CIT: variants seen among roughly 807,000 people sequenced by gnomAD.
CIT encodes the protein citron rho-interacting serine/threonine kinase.
A neutral mutation model predicts 272.7 loss-of-function variants in CIT; 79 were observed. The ratio of observed to expected loss-of-function variants is 0.29; its 90% CI spans 0.24 to 0.35. The LOEUF (loss-of-function observed/expected upper bound fraction) is 0.35, where lower values mean the gene tolerates loss of function less well. CIT is among the 10% of genes least tolerant of loss of function. The pLI, the probability that CIT is intolerant of heterozygous loss-of-function variation, is 1.00. For missense variants in CIT, 1,909 were observed against 2,618.3 expected (o/e 0.73, Z 5.91); for synonymous variants, 948 against 995.6 (o/e 0.95, Z 0.90).
At chr12:119,753,704 T>G (rs1362557837) in intron 22 of CIT, among the ~76,000 whole-genome samples, 1 of 147,908 alleles carries the variant, frequency 6.8e-6, no homozygotes, top group Non-Finnish European at 1.5e-5. Flanking sequence ...GCCATTGTAC[T>G]CCAGCCTGGG....
intron 18 of CIT, among the ~76,000 whole-genome samples, chr12:119,769,106 A>G (rs1387180966): frequency 1.4e-5 from 2 of 147,608 alleles, no homozygotes; most frequent in East Asian, 3.9e-4. Context: ...TTCGGTCTTC[A>G]TAAGATAGCA....
At position 119,874,318 on chromosome 12, in the gene CIT, C is replaced by T. The variant is rs1422766017; in HGVS notation, c.96+1755G>A. ...AACCCGTGACCTCAAGTAATCCGCC[C>T]GCCTCAGCCTCCGAAAATACTGGCA... On this transcript the variant is annotated intron_variant, in intron 2 of 47. Transcript: ENST00000392521. Among the ~76,000 whole-genome samples the T allele has an allele frequency of 2.6e-5, 4 of 152,052 alleles. No individual in the cohort carries two copies. The East Asian group carries it at 5.8e-4, about 22-fold the overall frequency.
chr12:119,695,566 C>T (rs1030075117), intron 46 of CIT, among the ~76,000 whole-genome samples: 2 of 152,134 alleles, frequency 1.3e-5, no homozygotes, highest in African/African-American at 2.4e-5. Flanking sequence ...GAGGCCAAGG[C>T]GGGCAGATCA....
intron 24 of CIT, among the ~76,000 whole-genome samples, chr12:119,738,251 T>C (rs1732416590): frequency 6.6e-6 from 1 of 152,170 alleles, no homozygotes; most frequent in South Asian, 2.1e-4. Flanking sequence ...TTCAGATCTT[T>C]GAAAACTGAA....
intron 24 of CIT, among the ~76,000 whole-genome samples, chr12:119,737,831 T>A (rs1565965413): frequency 6.6e-6 from 1 of 152,204 alleles, no homozygotes; most frequent in Non-Finnish European, 1.5e-5. Flanking sequence ...ACATATTCTA[T>A]CTACCCAAGC....
At chr12:119,757,611 G>C (rs559519298) in intron 21 of CIT, 66 bp from the exon 22 acceptor site, 2 of 1,592,350 alleles carry the variant, frequency 1.3e-6, no homozygotes, top group Middle Eastern at 1.7e-4. Context: ...CCGTTTCCAC[G>C]GGAGGTAGAC....
At chr12:119,754,481 A>T (rs1449884452) in intron 22 of CIT, among the ~76,000 whole-genome samples, 1 of 152,256 alleles carries the variant, frequency 6.6e-6, no homozygotes, top group Non-Finnish European at 1.5e-5. Context: ...CAAGAGAGGC[A>T]GGTGACAGTG....
chr12:119,731,862 G>A (rs1460984915), intron 26 of CIT, among the ~76,000 whole-genome samples: 2 of 141,536 alleles, frequency 1.4e-5, no homozygotes, highest in African/African-American at 5.8e-5. Flanking sequence ...TTGAGATGGA[G>A]TCCCACTCTG....
At position 119,784,215 on chromosome 12, in the gene CIT, A is replaced by G. The variant is rs576028347; in HGVS notation, c.1402-164T>C. ...ATTGTTTCTTCGCCCAGGAGCGCAC[A>G]GTTCTTCGTTAAGGACAGTCACCAA... On this transcript the variant is annotated intron_variant, in intron 11 of 47. Coordinates refer to ENST00000392521, the MANE Select transcript of CIT (RefSeq NM_001206999.2). This position sits in a 1 kb window ranked among gnomAD's most constrained non-coding sequence, Gnocchi z 4.7. The G allele has an allele frequency of 3.1e-6, 5 of 1,602,032 alleles. No individual in the cohort carries two copies. The African/African-American group carries it at 5.3e-5, about 17-fold the overall frequency.
intron 32 of CIT, among the ~76,000 whole-genome samples, chr12:119,717,834 C>CTTTTTTTTTTT (rs546520444): frequency 1.0e-4 from 7 of 70,234 alleles, no homozygotes; most frequent in African/African-American, 3.5e-4. Context: ...AGACTGACTT[C>CTTTTTTTTTTT]TTTCTTTTTT....
intron 23 of CIT, among the ~76,000 whole-genome samples, chr12:119,750,591 T>A (rs1463612431): frequency 1.3e-5 from 2 of 151,998 alleles, no homozygotes; most frequent in Admixed American, 6.6e-5. Context: ...AAATCTAGGA[T>A]GCACAAACAT....
In CIT at chr12:119,857,697, A is replaced by C; in HGVS notation, c.240T>G (p.Tyr80Ter). 6.2e-7 allele frequency: 1 copy of C among 1,613,598 alleles called. No individual in the cohort carries two copies. ...IKHVSNFVRK[Y>*]SDTIAELQEL... is the part of the protein sequence containing the mutation. The stretch of plus-strand genomic sequence containing the variant: ...CCTGTAACTCAGCTATGGTGTCGGA[A>C]TCTGCAAAAGATGCAAGAGTTAGCC... The change falls in exon 4 of 48, where the codon TAT (tyrosine) becomes TAG (stop). Residue 80 changes from tyrosine (Y) to a stop codon, truncating the protein, a stop_gained and splice_region_variant. Transcript: ENST00000392521. LOFTEE classifies it high-confidence loss of function.
chr12:119,696,138 A>G (rs1223694404), intron 46 of CIT, among the ~76,000 whole-genome samples: 1 of 152,186 alleles, frequency 6.6e-6, no homozygotes, highest in Non-Finnish European at 1.5e-5. Flanking sequence ...GGGAGTGAGG[A>G]GAGTTAGGAG....
chr12:119,852,099 C>T (rs1008487649), intron 4 of CIT, among the ~76,000 whole-genome samples: 1 of 152,160 alleles, frequency 6.6e-6, no homozygotes, highest in African/African-American at 2.4e-5. Context: ...AAAGGCATAA[C>T]TGACACCACC....
At chr12:119,847,449 C>G (rs1969897870) in intron 5 of CIT, among the ~76,000 whole-genome samples, 1 of 151,994 alleles carries the variant, frequency 6.6e-6, no homozygotes, top group Non-Finnish European at 1.5e-5. Flanking sequence ...TAAAAATTAG[C>G]TGGGCACGGT....
chr12:119,735,470 C>T (rs1478574958), intron 24 of CIT, 113 bp from the exon 25 acceptor site: 5 of 1,045,102 alleles, frequency 4.8e-6, no homozygotes, highest in Non-Finnish European at 7.2e-6. Context: ...CAACGTGCCG[C>T]TCATGAGTTT....
chr12:119,754,653 A>G (rs1220004356), intron 22 of CIT, among the ~76,000 whole-genome samples: 5 of 152,244 alleles, frequency 3.3e-5, no homozygotes, highest in Non-Finnish European at 7.3e-5. Flanking sequence ...CTCCAGGTGG[A>G]GGCCTCTGCC....
At chr12:119,850,389 G>GGCAAAGGAAA in intron 4 of CIT, 114 bp from the exon 5 acceptor site, 2 of 350,832 alleles carry the variant, frequency 5.7e-6, no homozygotes, top group East Asian at 1.1e-4. Context: ...AAAAAAAAAA[G>GGCAAAGGAAA]GCAAAGGAAA....
rs181994008 is a variant in CIT, at chr12:119,849,876, C to T, written c.516+298G>A. On this transcript the variant is annotated intron_variant, in intron 5 of 47. Coordinates refer to ENST00000392521, the MANE Select transcript of CIT (RefSeq NM_001206999.2). ...AATTTTTCTGTATTTTTAGTAGAGACGGGGTTTCACTGTGTTAGCCAGGAT... is the reference window on the plus strand; with the variant it reads ...AATTTTTCTGTATTTTTAGTAGAGATGGGGTTTCACTGTGTTAGCCAGGAT... Among the ~76,000 whole-genome samples, 30 of 152,124 alleles carry T rather than the reference C, an allele frequency of 2.0e-4. No homozygotes were observed. The East Asian group carries it at 5.4e-3, about 28-fold the overall frequency.
Sources: allele counts gnomAD v4.1 joint callset (sites outside exome capture counted in the v4.1 genomes callset), GRCh38; gene constraint gnomAD v4.1.1; non-coding constraint Gnocchi (gnomAD v3.1); transcripts MANE v1.5; gene names NCBI Gene and HGNC (gene_info 2026-07-23, HGNC 2026-07-21).